Variants in ARHGAP15 observed in about 807,000 individuals in gnomAD.
The protein encoded by ARHGAP15 is rho GTPase-activating protein 15.
ARHGAP15 carries 51 observed loss-of-function variants against 63.7 expected under a neutral mutation model. That is an observed-to-expected ratio of 0.80 (90% CI 0.64 to 1.01). The LOEUF is 1.01. ARHGAP15 is among the 50% of genes least tolerant of loss of function. The pLI is 0.00. For missense variants in ARHGAP15, 560 were observed against 564.6 expected, an observed-to-expected ratio of 0.99 and a Z score of 0.08; for synonymous variants, 191 against 193.8, an observed-to-expected ratio of 0.99 and a Z score of 0.12.
chr2:143,501,020 G>C (rs749305707), intron 9 of ARHGAP15, among the ~76,000 whole-genome samples: 8 of 152,150 alleles, frequency 5.3e-5, no homozygotes, highest in Non-Finnish European at 1.2e-4. Flanking sequence ...TTGGAACTCA[G>C]ATTCATAGGA....
chr2:143,158,742 G>C (rs827227), intron 2 of ARHGAP15, among the ~76,000 whole-genome samples: 61,366 of 151,648 alleles, frequency 0.4, 12,593 homozygotes, highest in Middle Eastern at 0.48. Context: ...ACCAGAGTGA[G>C]ACCTCTTAAA....
At chr2:143,278,237 C>A (rs1681663560) in intron 6 of ARHGAP15, among the ~76,000 whole-genome samples, 1 of 152,086 alleles carries the variant, frequency 6.6e-6, no homozygotes, top group African/African-American at 2.4e-5. Flanking sequence ...CCAGAATGTT[C>A]GTGAAGACCT....
intron 3 of ARHGAP15, among the ~76,000 whole-genome samples, chr2:143,203,590 T>C (rs1692210777): frequency 6.6e-6 from 1 of 152,046 alleles, no homozygotes; most frequent in Non-Finnish European, 1.5e-5. Context: ...AGTATATCCA[T>C]GTAACAAATA....
chr2:143,553,442 A>G (rs189104956), intron 10 of ARHGAP15, among the ~76,000 whole-genome samples: 61 of 152,250 alleles, frequency 4.0e-4, no homozygotes, highest in Admixed American at 3.7e-3. Context: ...TGCATCTAAT[A>G]TGTTTTGCTT....
At position 143,362,764 on chromosome 2, in the gene ARHGAP15, C is replaced by T. The variant is rs534743141; in HGVS notation, c.475-72837C>T. Among the ~76,000 whole-genome samples, 169 of 152,240 alleles carry T rather than the reference C, an allele frequency of 1.1e-3. 2 individuals are homozygous for T. The highest frequency in any genetic ancestry group is 6.8e-3 in the Middle Eastern group (2 of 294). ...ACAAGGTAAAAATCTAGGATTCATTCGTGACTCCTATCTGAACACACCCCA... is the reference window on the plus strand; with the variant it reads ...ACAAGGTAAAAATCTAGGATTCATTTGTGACTCCTATCTGAACACACCCCA... On this transcript the variant is annotated intron_variant, in intron 6 of 13. Transcript: ENST00000295095.
intron 6 of ARHGAP15, among the ~76,000 whole-genome samples, chr2:143,402,865 AT>A (rs1323997693): frequency 1.3e-5 from 2 of 151,538 alleles, no homozygotes; most frequent in East Asian, 1.9e-4. Flanking sequence ...TTCGATGAAA[AT>A]TTTTTTTCAC....
chr2:143,557,197 T>A (rs1391325323), intron 11 of ARHGAP15, among the ~76,000 whole-genome samples: 1 of 152,150 alleles, frequency 6.6e-6, no homozygotes, highest in Non-Finnish European at 1.5e-5. Flanking sequence ...CACAAATATT[T>A]ACGGCAGCTT....
At chr2:143,496,201 C>T (rs1283193763) in intron 9 of ARHGAP15, among the ~76,000 whole-genome samples, 1 of 151,894 alleles carries the variant, frequency 6.6e-6, no homozygotes, top group African/African-American at 2.4e-5. Context: ...AATACAGTAC[C>T]ACATAGTTAG....
intron 12 of ARHGAP15, among the ~76,000 whole-genome samples, chr2:143,654,883 G>A (rs1478321695): frequency 6.6e-6 from 1 of 152,060 alleles, no homozygotes; most frequent in Non-Finnish European, 1.5e-5. Context: ...GGATTGCTTG[G>A]GACCAGGAGT....
intron 8 of ARHGAP15, among the ~76,000 whole-genome samples, chr2:143,440,930 A>G (rs569291852): frequency 1.3e-5 from 2 of 152,310 alleles, no homozygotes; most frequent in South Asian, 4.1e-4. Context: ...GGAAGGCCCA[A>G]ATATAATAAA....
At chr2:143,380,724 C>T (rs1011949760) in intron 6 of ARHGAP15, among the ~76,000 whole-genome samples, 1 of 152,092 alleles carries the variant, frequency 6.6e-6, no homozygotes, top group Non-Finnish European at 1.5e-5. Context: ...TCCAGGATTC[C>T]TTCCATCTCT....
At chr2:143,533,695 C>G (rs1354150968) in intron 10 of ARHGAP15, among the ~76,000 whole-genome samples, 1 of 152,166 alleles carries the variant, frequency 6.6e-6, no homozygotes, top group African/African-American at 2.4e-5. Flanking sequence ...TGTTTCCAAG[C>G]TTGGTACCCT....
chr2:143,479,401 G>A (rs1412869168), intron 8 of ARHGAP15, among the ~76,000 whole-genome samples: 1 of 149,600 alleles, frequency 6.7e-6, no homozygotes, highest in East Asian at 2.0e-4. Context: ...CTTCTCATTT[G>A]ATTTGGCTGT....
intron 6 of ARHGAP15, among the ~76,000 whole-genome samples, chr2:143,308,806 T>G (rs1424208426): frequency 6.6e-6 from 1 of 151,928 alleles, no homozygotes; most frequent in East Asian, 1.9e-4. Flanking sequence ...AAATACTTTA[T>G]TTACACTTTC....
chr2:143,284,718 A>G (rs1682011890), intron 6 of ARHGAP15, among the ~76,000 whole-genome samples: 1 of 152,236 alleles, frequency 6.6e-6, no homozygotes, highest in Non-Finnish European at 1.5e-5. Context: ...ACCTGAAATT[A>G]AACATCACAC....
chr2:143,354,273 A>T (rs1435095483), intron 6 of ARHGAP15, among the ~76,000 whole-genome samples: 2 of 152,192 alleles, frequency 1.3e-5, no homozygotes, highest in East Asian at 3.9e-4. Context: ...AATAAGTAGA[A>T]ATCTGTGACA....
chr2:143,717,458 T>C (rs768451498), intron 13 of ARHGAP15, among the ~76,000 whole-genome samples: 58 of 152,362 alleles, frequency 3.8e-4, no homozygotes, highest in Non-Finnish European at 8.1e-4. Context: ...TCCTCACTGC[T>C]TTCTGCCTGT....
chr2:143,190,798 C>T (rs754335680), intron 2 of ARHGAP15, among the ~76,000 whole-genome samples: 1 of 152,212 alleles, frequency 6.6e-6, no homozygotes, highest in Non-Finnish European at 1.5e-5. Context: ...TTAATACCTT[C>T]ATCCCCACAA....
intron 11 of ARHGAP15, among the ~76,000 whole-genome samples, chr2:143,605,184 C>G (rs1457876245): frequency 6.6e-6 from 1 of 152,198 alleles, no homozygotes; most frequent in Admixed American, 6.5e-5. Flanking sequence ...GCCACTGCAC[C>G]CAGCCATACT....
Sources: allele counts gnomAD v4.1 joint callset (sites outside exome capture counted in the v4.1 genomes callset), GRCh38; gene constraint gnomAD v4.1.1; transcripts MANE v1.5; gene names NCBI Gene and HGNC (gene_info 2026-07-23, HGNC 2026-07-21).